Variants in COP1 observed in about 807,000 individuals in gnomAD.
COP1 encodes the protein E3 ubiquitin-protein ligase COP1.
Under a neutral mutation model 101.3 loss-of-function variants are expected in COP1, and 24 were observed. The ratio of observed to expected loss-of-function variants is 0.24; its 90% CI spans 0.17 to 0.33. The LOEUF (loss-of-function observed/expected upper bound fraction) is 0.33. Among genes scored for constraint, COP1 ranks in the 10% least tolerant of loss-of-function variants. The pLI is 1.00. For synonymous variants in COP1, 347 were observed against 341.9 expected (o/e 1.01, Z -0.17); for missense variants, 663 against 906.2 (o/e 0.73, Z 3.45).
chr1:176,117,320 C>T (rs1009989651), intron 8 of COP1, among the ~76,000 whole-genome samples: 3 of 152,130 alleles, frequency 2.0e-5, no homozygotes, highest in Admixed American at 6.5e-5. Flanking sequence ...GTTTCCTCTG[C>T]TCTGGTCAAA....
chr1:176,007,539 T>C (rs995898573), intron 15 of COP1, among the ~76,000 whole-genome samples: 1 of 150,678 alleles, frequency 6.6e-6, no homozygotes, highest in African/African-American at 2.4e-5. Flanking sequence ...ATGTCCTTTC[T>C]GTTTGGTAGT....
At chr1:176,162,271 A>G (rs1331952614) in intron 5 of COP1, among the ~76,000 whole-genome samples, 1 of 152,196 alleles carries the variant, frequency 6.6e-6, no homozygotes, top group African/African-American at 2.4e-5. Flanking sequence ...ACCTCAGGGT[A>G]GTATTTGCTT....
At chr1:176,194,994 G>T (rs1233609372) in intron 1 of COP1, among the ~76,000 whole-genome samples, 2 of 151,978 alleles carry the variant, frequency 1.3e-5, no homozygotes, top group Non-Finnish European at 2.9e-5. Context: ...GGCTGAGGTG[G>T]GAGGACCACT....
chr1:176,020,425 C>G (rs1666562026), intron 15 of COP1, among the ~76,000 whole-genome samples: 1 of 151,752 alleles, frequency 6.6e-6, no homozygotes, highest in African/African-American at 2.4e-5. Flanking sequence ...TGGTGGCTCA[C>G]ACCAGCACTT....
intron 11 of COP1, among the ~76,000 whole-genome samples, chr1:176,064,692 C>T (rs995542985): frequency 5.9e-5 from 9 of 152,042 alleles, no homozygotes; most frequent in African/African-American, 1.2e-4. Context: ...CTTGCTCTGT[C>T]GCCCAGGCTG....
chr1:176,169,204 A>G (rs1017346784), intron 3 of COP1, among the ~76,000 whole-genome samples: 1 of 152,220 alleles, frequency 6.6e-6, no homozygotes, highest in African/African-American at 2.4e-5. Context: ...AATCCTCGTC[A>G]TAGTAATATT....
intron 11 of COP1, among the ~76,000 whole-genome samples, chr1:176,062,297 C>T (rs763065108): frequency 1.3e-4 from 20 of 151,888 alleles, no homozygotes; most frequent in East Asian, 1.9e-4. Flanking sequence ...CCACTGAGCC[C>T]GGCCAAGAAA....
At position 175,996,640 on chromosome 1, in the gene COP1, C is replaced by T. The variant is rs995278662; in HGVS notation, c.1730-7161G>A. Among the ~76,000 whole-genome samples, 453 of 152,250 alleles carry T rather than the reference C, an allele frequency of 3.0e-3. 2 individuals carry two copies. Among genetic ancestry groups the T allele is most frequent in the African/African-American group, 0.01 (426 of 41,522 alleles). Reference sequence around the variant, plus strand: ...GAGAGCCAAATCATGAGTGAACTCCCATTCACAACTGCTTCAAAGAGAATA... The same window carrying T: ...GAGAGCCAAATCATGAGTGAACTCCTATTCACAACTGCTTCAAAGAGAATA... On this transcript the variant is annotated intron_variant, in intron 15 of 19. Coordinates refer to ENST00000367669, the MANE Select transcript of COP1 (RefSeq NM_022457.7).
chr1:176,045,282 G>A (rs748139011), intron 12 of COP1, among the ~76,000 whole-genome samples: 7 of 151,978 alleles, frequency 4.6e-5, no homozygotes, highest in Non-Finnish European at 7.4e-5. Flanking sequence ...CTTCACTTAG[G>A]ACATAAACTA....
intron 8 of COP1, among the ~76,000 whole-genome samples, chr1:176,121,298 G>A (rs1687076129): frequency 6.6e-6 from 1 of 151,780 alleles, no homozygotes; most frequent in Non-Finnish European, 1.5e-5. Context: ...AAATTGTTGT[G>A]GCCCCAATTT....
At chr1:176,123,043 T>C (rs1687408935) in intron 8 of COP1, among the ~76,000 whole-genome samples, 1 of 152,226 alleles carries the variant, frequency 6.6e-6, no homozygotes, top group South Asian at 2.1e-4. Context: ...ATTTGACTAG[T>C]TTGTATTCTA....
intron 1 of COP1, among the ~76,000 whole-genome samples, chr1:176,190,057 T>C (rs998098908): frequency 2.0e-5 from 3 of 152,072 alleles, no homozygotes; most frequent in Admixed American, 1.3e-4. Flanking sequence ...CATCTGACTT[T>C]ACAACTCCAA....
At chr1:176,030,803 C>T (rs773289867) in intron 14 of COP1, among the ~76,000 whole-genome samples, 1 of 152,160 alleles carries the variant, frequency 6.6e-6, no homozygotes, top group Admixed American at 6.5e-5. Flanking sequence ...AGACATGTTT[C>T]AGTCCTAACC....
intron 1 of COP1, among the ~76,000 whole-genome samples, chr1:176,198,371 T>C (rs1558303245): frequency 6.6e-6 from 1 of 151,958 alleles, no homozygotes; most frequent in Non-Finnish European, 1.5e-5. Flanking sequence ...GCCAAGAAAA[T>C]TCAATGAACA....
At chr1:176,136,661 T>A in intron 6 of COP1, 114 bp from the exon 7 acceptor site, 2 of 633,190 alleles carry the variant, frequency 3.2e-6, no homozygotes, top group Non-Finnish European at 5.2e-6. Flanking sequence ...TCTATCAAAC[T>A]TGGCACTAAT....
intron 18 of COP1, among the ~76,000 whole-genome samples, chr1:175,985,048 G>A (rs932759104): frequency 6.6e-6 from 1 of 152,188 alleles, no homozygotes; most frequent in Non-Finnish European, 1.5e-5. Flanking sequence ...AAGACTTTGG[G>A]AGACTGCTGG....
chr1:176,036,623 G>A (rs931482383), intron 14 of COP1, among the ~76,000 whole-genome samples: 9 of 151,616 alleles, frequency 5.9e-5, no homozygotes, highest in African/African-American at 1.2e-4. Flanking sequence ...TTACAATGGT[G>A]AGAATGCAAT....
chr1:175,989,343 T>C lies in COP1; in HGVS notation c.1847+19A>G, dbSNP rs753734710. 1 of 1,285,416 alleles carries C rather than the reference T, an allele frequency of 7.8e-7. No individual in the cohort carries two copies. The highest frequency in any genetic ancestry group is 1.2e-5 in the South Asian group (1 of 84,466). 79.6% of individuals were successfully genotyped at this position (1,285,416 alleles called of 1,614,324 possible). On this transcript the variant is annotated intron_variant, in intron 16 of 19. Transcript: ENST00000367669. ...AGAGCTCTGTATTAAGCTCAACCTC[T>C]GAGGAGAGTAATACTCACGCAGAGA...
intron 15 of COP1, among the ~76,000 whole-genome samples, chr1:176,001,373 G>A (rs1661555788): frequency 6.6e-6 from 1 of 152,072 alleles, no homozygotes; most frequent in Non-Finnish European, 1.5e-5. Context: ...CATTTTCAGC[G>A]ATTGAGTATA....
Sources: allele counts gnomAD v4.1 joint callset (sites outside exome capture counted in the v4.1 genomes callset), GRCh38; gene constraint gnomAD v4.1.1; transcripts MANE v1.5; gene names NCBI Gene and HGNC (gene_info 2026-07-23, HGNC 2026-07-21).